The following GPC6 variants were observed in gnomAD, a reference collection of about 807,000 sequenced individuals.
The protein encoded by GPC6 is glypican 6, also known as glypican-6.
GPC6 carries 14 observed loss-of-function variants against 55.2 expected under a neutral mutation model. The ratio of observed to expected loss-of-function variants is 0.25; its 90% CI spans 0.17 to 0.40. The LOEUF (loss-of-function observed/expected upper bound fraction) is 0.40. GPC6 is among the 10% of genes least tolerant of loss of function. The probability of loss-of-function intolerance (pLI) is 1.00; values close to 1 mark genes in which losing one functional copy is unlikely to be tolerated. For synonymous variants in GPC6, 278 were observed against 259.6 expected (o/e 1.07, Z -0.68); for missense variants, 641 against 708.5 (o/e 0.90, Z 1.08).
At chr13:93,613,509 A>AACAC (rs369082922) in intron 2 of GPC6, among the ~76,000 whole-genome samples, 21 of 142,966 alleles carry the variant, frequency 1.5e-4, no homozygotes, top group African/African-American at 5.3e-4. Context: ...CAGACAAGCA[A>AACAC]ACACACACAC....
chr13:93,890,341 C>G (rs1207042300), intron 3 of GPC6, among the ~76,000 whole-genome samples: 1 of 152,100 alleles, frequency 6.6e-6, no homozygotes, highest in Non-Finnish European at 1.5e-5. Context: ...TAGTCTATCA[C>G]AGAGGAAATA....
At position 93,895,958 on chromosome 13, in the gene GPC6, C is replaced by T. The variant is rs140524642; in HGVS notation, c.711+65413C>T. On this transcript the variant is annotated intron_variant, in intron 3 of 8. Transcript: ENST00000377047. Reference sequence around the variant, plus strand: ...GTCCAGTTAGATAGAACAGAATGAACACAATCTAGTGTTTGGTAGCTTAAT... The same window carrying T: ...GTCCAGTTAGATAGAACAGAATGAATACAATCTAGTGTTTGGTAGCTTAAT... 3.4e-3 allele frequency among the ~76,000 whole-genome samples: 520 copies of T among 152,116 alleles called. 1 individual carries two copies. Among genetic ancestry groups the T allele is most frequent in the Non-Finnish European group, 6.2e-3 (420 of 67,914 alleles).
chr13:93,437,953 A>G (rs1007656362), intron 1 of GPC6, among the ~76,000 whole-genome samples: 3 of 152,152 alleles, frequency 2.0e-5, no homozygotes, highest in Admixed American at 2.0e-4. Context: ...TTTTAAATTG[A>G]GGCCAGTGAT....
intron 3 of GPC6, among the ~76,000 whole-genome samples, chr13:93,872,398 T>C (rs1167664844): frequency 6.6e-6 from 1 of 152,024 alleles, no homozygotes; most frequent in African/African-American, 2.4e-5. Context: ...CCATTTCTTA[T>C]AACTGCTGTA....
chr13:94,150,254 G>T lies in GPC6; in HGVS notation c.877+122360G>T, dbSNP rs2138894283. 1.3e-5 allele frequency among the ~76,000 whole-genome samples: 2 copies of T among 152,086 alleles called. 1 individual carries two copies. Among genetic ancestry groups the T allele is most frequent in the Middle Eastern group, 6.8e-3 (2 of 294 alleles). On this transcript the variant is annotated intron_variant, in intron 4 of 8. Coordinates refer to ENST00000377047, the MANE Select transcript of GPC6 (RefSeq NM_005708.5). ...GGAACTGGTCCACTTAATTCTATTT[G>T]CCTAATTTACCCCACCATCATTTCT...
At chr13:93,372,689 C>T (rs1242354495) in intron 1 of GPC6, among the ~76,000 whole-genome samples, 1 of 152,128 alleles carries the variant, frequency 6.6e-6, no homozygotes, top group African/African-American at 2.4e-5. Flanking sequence ...TGAATTCAAC[C>T]TTTATCCTAC....
intron 3 of GPC6, among the ~76,000 whole-genome samples, chr13:93,865,374 A>C (rs1258961852): frequency 6.6e-6 from 1 of 151,758 alleles, no homozygotes. Context: ...CCATGCAGCC[A>C]GGCCCAACAT....
At chr13:93,540,343 A>G (rs1426004021) in intron 1 of GPC6, among the ~76,000 whole-genome samples, 1 of 152,174 alleles carries the variant, frequency 6.6e-6, no homozygotes, top group Non-Finnish European at 1.5e-5. Flanking sequence ...CAAGCAGCTT[A>G]AGAAATAAAT....
At chr13:94,165,370 A>G (rs1888330424) in intron 4 of GPC6, among the ~76,000 whole-genome samples, 1 of 151,808 alleles carries the variant, frequency 6.6e-6, no homozygotes. Flanking sequence ...GGAGACTATT[A>G]TTCTAAGTGA....
intron 4 of GPC6, among the ~76,000 whole-genome samples, chr13:94,223,038 G>A (rs907192428): frequency 1.3e-5 from 2 of 152,080 alleles, no homozygotes; most frequent in Admixed American, 6.6e-5. Flanking sequence ...ACCTTTTAAA[G>A]AAGAATGGCT....
intron 1 of GPC6, among the ~76,000 whole-genome samples, chr13:93,285,636 G>GTGTGTGTA (rs1555287694): frequency 1.7e-4 from 25 of 149,222 alleles, no homozygotes; most frequent in East Asian, 4.0e-4. Context: ...GTGTGTGTGT[G>GTGTGTGTA]TGTGTGTGTG....
chr13:94,066,424 A>G (rs186777470), intron 4 of GPC6, among the ~76,000 whole-genome samples: 87 of 152,312 alleles, frequency 5.7e-4, no homozygotes, highest in Admixed American at 1.4e-3. Flanking sequence ...CTTTAGATGA[A>G]AAAAAGAGAC....
At chr13:93,937,777 C>A (rs1245686463) in intron 3 of GPC6, among the ~76,000 whole-genome samples, 1 of 151,970 alleles carries the variant, frequency 6.6e-6, no homozygotes, top group African/African-American at 2.4e-5. Context: ...TGGGGTTTCA[C>A]CATGTTGGCC....
chr13:93,508,137 TA>T (rs2139380736), intron 1 of GPC6, among the ~76,000 whole-genome samples: 1 of 152,156 alleles, frequency 6.6e-6, no homozygotes, highest in East Asian at 1.9e-4. Context: ...CTAAGCAGGG[TA>T]AAGGGATAAA....
intron 2 of GPC6, among the ~76,000 whole-genome samples, chr13:93,585,353 CAT>C (rs1491204902): frequency 6.2e-4 from 94 of 152,266 alleles, no homozygotes; most frequent in Middle Eastern, 3.4e-3. Flanking sequence ...CACACACACA[CAT>C]GCACAATTTG....
At chr13:93,932,502 A>G (rs1001033490) in intron 3 of GPC6, among the ~76,000 whole-genome samples, 1 of 152,230 alleles carries the variant, frequency 6.6e-6, no homozygotes. Context: ...TCTACCTAGA[A>G]ACAAATGTCT....
chr13:94,312,441 C>T (rs561464388), intron 6 of GPC6, among the ~76,000 whole-genome samples: 20 of 152,278 alleles, frequency 1.3e-4, no homozygotes, highest in African/African-American at 4.6e-4. Flanking sequence ...TCTTCCATGC[C>T]TCTTTGGGGC....
At chr13:94,216,950 G>T (rs1400595350) in intron 4 of GPC6, among the ~76,000 whole-genome samples, 1 of 152,162 alleles carries the variant, frequency 6.6e-6, no homozygotes, top group Non-Finnish European at 1.5e-5. Context: ...TCTCAAACCA[G>T]CTTTATCAAA....
chr13:93,264,159 C>G (rs1006317786), intron 1 of GPC6, among the ~76,000 whole-genome samples: 9 of 152,126 alleles, frequency 5.9e-5, no homozygotes, highest in Admixed American at 3.3e-4. Context: ...CAGATTCCCT[C>G]AGGCATCCTT....
Sources: gnomAD v4.1 joint callset for allele counts (sites outside exome capture counted in the v4.1 genomes callset) on GRCh38, gnomAD v4.1.1 for gene constraint, MANE v1.5 for transcripts, NCBI Gene and HGNC (gene_info 2026-07-23, HGNC 2026-07-21) for gene names.